AXL: variants seen among roughly 807,000 people sequenced by gnomAD.
AXL encodes tyrosine-protein kinase receptor UFO.
Under a neutral mutation model 104.5 loss-of-function variants are expected in AXL, and 52 were observed. The ratio of observed to expected loss-of-function variants is 0.50; its 90% CI spans 0.40 to 0.63. AXL has a LOEUF of 0.63. AXL is among the 20% of genes least tolerant of loss of function. The pLI is 0.00. For synonymous variants in AXL, 455 were observed against 473.7 expected, an observed-to-expected ratio of 0.96 and a Z score of 0.51; for missense variants, 1,024 against 1,188.5, an observed-to-expected ratio of 0.86 and a Z score of 2.04.
At chr19:41,236,690 T>C (rs1033916612) in intron 6 of AXL, among the ~76,000 whole-genome samples, 1 of 151,124 alleles carries the variant, frequency 6.6e-6, no homozygotes, top group East Asian at 1.9e-4. Context: ...GGCAGAAGAA[T>C]TGCTTGAACC....
chr19:41,245,639 G>T (rs150486058), intron 12 of AXL, among the ~76,000 whole-genome samples: 1 of 151,690 alleles, frequency 6.6e-6, no homozygotes, highest in Non-Finnish European at 1.5e-5. Flanking sequence ...TCTTGAACCT[G>T]GGAGGCGGAG....
At chr19:41,241,990 AT>A (rs149929719) in intron 10 of AXL, among the ~76,000 whole-genome samples, 3,647 of 152,222 alleles carry the variant, frequency 0.024, 155 homozygotes, top group African/African-American at 0.083. Context: ...TCACCTGCTT[AT>A]CTACACTCTA....
At chr19:41,220,579 T>C (rs1214264368) in intron 1 of AXL, 57 bp from the exon 2 acceptor site, 1 of 1,466,728 alleles carries the variant, frequency 6.8e-7, no homozygotes, top group Non-Finnish European at 9.3e-7. Context: ...AGGGTGGAAC[T>C]GAGGGCCGGA....
chr19:41,220,967 A>C lies in AXL; in HGVS notation c.308+109A>C. 8.9e-6 allele frequency: 12 copies of C among 1,343,224 alleles called. No homozygotes were observed. The South Asian group carries it at 1.7e-4, about 19-fold the overall frequency. 83.2% of individuals were successfully genotyped at this position (1,343,224 alleles called of 1,614,324 possible). ...ACCACTTGTCAGCCGTGCGGCTTTG[A>C]GCATGTGATGGAACCTCTAGGTTTC... On this transcript the variant is annotated intron_variant, in intron 2 of 19. Transcript: ENST00000301178.
chr19:41,235,367 TA>T (rs1448109878), intron 6 of AXL, among the ~76,000 whole-genome samples: 1 of 89,404 alleles, frequency 1.1e-5, no homozygotes, highest in Non-Finnish European at 2.1e-5. Context: ...AATAAATAAA[TA>T]AATAGATAGA....
chr19:41,231,551 T>C (rs1291509525), intron 6 of AXL, among the ~76,000 whole-genome samples: 2 of 152,196 alleles, frequency 1.3e-5, no homozygotes, highest in Non-Finnish European at 2.9e-5. Context: ...TGGTAGTGCC[T>C]ACCTGGTATG....
intron 7 of AXL, 131 bp downstream of exon 7, chr19:41,238,285 C>T: frequency 7.1e-7 from 1 of 1,416,036 alleles, no homozygotes. Context: ...CAATCTCTGA[C>T]CCCTCAGCAG....
At chr19:41,233,280 G>T (rs185069675) in intron 6 of AXL, among the ~76,000 whole-genome samples, 1 of 151,764 alleles carries the variant, frequency 6.6e-6, no homozygotes, top group Non-Finnish European at 1.5e-5. Context: ...GTGAGGCACC[G>T]CGCTGGGCCC....
At chr19:41,254,251 C>G (rs1038675422) in intron 17 of AXL, among the ~76,000 whole-genome samples, 1 of 150,996 alleles carries the variant, frequency 6.6e-6, no homozygotes, top group Non-Finnish European at 1.5e-5. Context: ...AAAATTCAGC[C>G]TGGTGCGGTG....
At chr19:41,244,032 C>T (rs1437746082) in intron 12 of AXL, among the ~76,000 whole-genome samples, 1 of 151,584 alleles carries the variant, frequency 6.6e-6, no homozygotes, top group Non-Finnish European at 1.5e-5. Context: ...ATGGTGAAAC[C>T]CTGTCTCTAC....
At chr19:41,231,153 C>G in intron 5 of AXL, 30 bp from the exon 6 acceptor site, 1 of 1,610,604 alleles carries the variant, frequency 6.2e-7, no homozygotes, top group South Asian at 1.1e-5. Flanking sequence ...CAAAGGCTCC[C>G]CAGGGTCAAT....
intron 13 of AXL, 59 bp from the exon 14 acceptor site, chr19:41,248,684 T>A: frequency 5.0e-6 from 8 of 1,611,726 alleles, no homozygotes; most frequent in Non-Finnish European, 6.8e-6. Flanking sequence ...CACCCAACTA[T>A]AGGAAATACA....
In AXL at chr19:41,242,989, C is replaced by A; in HGVS notation, c.1419C>A (p.His473Gln). 6.2e-7 allele frequency: 1 copy of A among 1,614,196 alleles called. No individual in the cohort carries two copies. The highest frequency in any genetic ancestry group is 1.7e-5 in the Admixed American group (1 of 60,020). Residue 473 changes from histidine (H) to glutamine (Q), a missense_variant, in exon 11 of 20, where the codon CAC becomes CAA. Coordinates refer to ENST00000301178, the MANE Select transcript of AXL (RefSeq NM_021913.5). ...TCATCTTGGCTCTCTTCCTTGTCCA[C>A]CGGCGAAAGAAGGAGACCCGTTATG... ...CVLILALFLV[H>Q]RRKKETRYGE...
At chr19:41,229,853 G>A (rs2033945093) in intron 4 of AXL, among the ~76,000 whole-genome samples, 1 of 152,084 alleles carries the variant, frequency 6.6e-6, no homozygotes, top group Admixed American at 6.6e-5. Context: ...TACAGCCATG[G>A]GCCAGTTTCC....
At chr19:41,247,732 T>C (rs1465147476) in intron 12 of AXL, among the ~76,000 whole-genome samples, 1 of 151,876 alleles carries the variant, frequency 6.6e-6, no homozygotes, top group African/African-American at 2.4e-5. Context: ...TATAGGCGCG[T>C]ACCACCACAC....
intron 12 of AXL, among the ~76,000 whole-genome samples, chr19:41,245,951 G>C (rs1436272971): frequency 6.6e-6 from 1 of 152,148 alleles, no homozygotes; most frequent in Non-Finnish European, 1.5e-5. Flanking sequence ...TGTGAGCCTG[G>C]TCCCCTGTGG....
At chr19:41,221,582 A>G (rs2033791951) in intron 3 of AXL, 1 of 502,460 alleles carries the variant, frequency 2.0e-6, no homozygotes, top group African/African-American at 2.0e-5. Context: ...CCCTGTCCCC[A>G]CGACCCCAGC....
Position 41,253,805 on chromosome 19 carries a change from C to T in AXL, c.2036+97C>T, listed in dbSNP as rs1469539033. The T allele has an allele frequency of 7.0e-6, 7 of 995,034 alleles. No homozygotes were observed. In the Admixed American group the frequency reaches 1.4e-4, roughly 20 times the overall value. The allele number at this position is 995,034 out of a possible 1,614,324, so 61.6% of individuals were successfully genotyped here. A position where few individuals can be genotyped will look rare whatever the true frequency, so the allele number is the denominator to read the frequency against. ...TTAGGATGGAAGCAGGGCTAGACAC[C>T]CGCTGAGGGCAGGTCAGAACTCAGG... On this transcript the variant is annotated intron_variant, in intron 17 of 19. Transcript: ENST00000301178.
rs188720660 is a variant in AXL, at chr19:41,245,203, C to T, written c.1537+1496C>T. Among the ~76,000 whole-genome samples the T allele has an allele frequency of 1.0e-3, 154 of 152,156 alleles. 1 individual carries two copies. Among genetic ancestry groups the T allele is most frequent in the African/African-American group, 3.6e-3 (148 of 41,496 alleles). The stretch of plus-strand genomic sequence containing the variant: ...TGCTGGGATTACAGGTGTGAGCCAC[C>T]ACGCCTGGCCTGAAGTCTATACTCT... On this transcript the variant is annotated intron_variant, in intron 12 of 19. Transcript: ENST00000301178.
Sources: gnomAD v4.1 joint callset for allele counts (sites outside exome capture counted in the v4.1 genomes callset) on GRCh38, gnomAD v4.1.1 for gene constraint, MANE v1.5 for transcripts, NCBI Gene and HGNC (gene_info 2026-07-23, HGNC 2026-07-21) for gene names.